Variants in EXOC4 observed in about 807,000 individuals in gnomAD.
EXOC4 encodes the protein SEC8-like 1.
In EXOC4, 71 loss-of-function variants were observed where a neutral mutation model predicts 107.2. The observed-to-expected ratio is 0.66, with a 90% confidence interval of 0.55 to 0.81. The LOEUF (loss-of-function observed/expected upper bound fraction) is 0.81. EXOC4 is among the 30% of genes least tolerant of loss of function. The pLI, the probability that EXOC4 is intolerant of heterozygous loss-of-function variation, is 0.00. For synonymous variants in EXOC4, 456 were observed against 441.2 expected (o/e 1.03, Z -0.42); for missense variants, 1,108 against 1,189.6 (o/e 0.93, Z 1.01).
chr7:133,634,849 G>A (rs746503133), intron 10 of EXOC4, among the ~76,000 whole-genome samples: 4 of 152,132 alleles, frequency 2.6e-5, no homozygotes, highest in Non-Finnish European at 5.9e-5. Flanking sequence ...TTAAAACAAA[G>A]GTTTCTAGCC....
intron 6 of EXOC4, among the ~76,000 whole-genome samples, chr7:133,372,068 T>G (rs1796388948): frequency 6.6e-6 from 1 of 152,230 alleles, no homozygotes; most frequent in African/African-American, 2.4e-5. Context: ...TTTGTCCATT[T>G]TTAAGTTCAG....
chr7:133,366,039 T>C (rs887031242), intron 6 of EXOC4, among the ~76,000 whole-genome samples: 12 of 152,158 alleles, frequency 7.9e-5, no homozygotes, highest in African/African-American at 2.9e-4. Context: ...TCTTCTATCT[T>C]GTGTGTGTCT....
At chr7:133,322,841 C>G (rs1321509179) in intron 5 of EXOC4, among the ~76,000 whole-genome samples, 1 of 152,180 alleles carries the variant, frequency 6.6e-6, no homozygotes, top group African/African-American at 2.4e-5. Context: ...TTGATTCTTC[C>G]TATCCATGAG....
chr7:133,944,239 T>C (rs528363099), intron 14 of EXOC4, among the ~76,000 whole-genome samples: 46 of 152,192 alleles, frequency 3.0e-4, no homozygotes, highest in Admixed American at 1.4e-3. Flanking sequence ...ATACCACAGT[T>C]TTCCCATATC....
At chr7:133,563,337 G>A (rs529161922) in intron 9 of EXOC4, among the ~76,000 whole-genome samples, 2 of 152,272 alleles carry the variant, frequency 1.3e-5, no homozygotes, top group African/African-American at 4.8e-5. Flanking sequence ...GGGCAAATGA[G>A]CTTCTGCTCA....
intron 10 of EXOC4, among the ~76,000 whole-genome samples, chr7:133,714,349 T>A (rs1794956995): frequency 6.6e-6 from 1 of 152,104 alleles, no homozygotes; most frequent in Non-Finnish European, 1.5e-5. Context: ...TAGTCTGTAT[T>A]GTATGTTCAG....
At chr7:133,734,138 A>G (rs1156422721) in intron 10 of EXOC4, among the ~76,000 whole-genome samples, 1 of 152,176 alleles carries the variant, frequency 6.6e-6, no homozygotes, top group Non-Finnish European at 1.5e-5. Flanking sequence ...GGCAGATCAA[A>G]TTTGTACAGG....
In EXOC4 at chr7:133,864,457, T is replaced by A. The variant is rs185104715; in HGVS notation, c.1735-31142T>A. Among the ~76,000 whole-genome samples the A allele has an allele frequency of 6.1e-3, 929 of 152,286 alleles. 3 individuals carry two copies. The highest frequency in any genetic ancestry group is 0.01 in the Middle Eastern group (3 of 294). On this transcript the variant is annotated intron_variant, in intron 11 of 17. Transcript: ENST00000253861. ...GAAGGCTTTCAGGGAGTCTCATTAA[T>A]TTACAAAAAGCTGGTAGAAATTATT...
At chr7:133,315,964 C>T (rs1057114975) in intron 4 of EXOC4, among the ~76,000 whole-genome samples, 1 of 152,110 alleles carries the variant, frequency 6.6e-6, no homozygotes, top group Non-Finnish European at 1.5e-5. Context: ...AAAAGGGAGA[C>T]GTTAATGACT....
chr7:133,804,911 C>T (rs1442623400), intron 10 of EXOC4, among the ~76,000 whole-genome samples: 1 of 152,104 alleles, frequency 6.6e-6, no homozygotes, highest in African/African-American at 2.4e-5. Context: ...TAAAACATAG[C>T]CTTAAAATAA....
chr7:133,333,972 A>G (rs938566353), intron 5 of EXOC4, among the ~76,000 whole-genome samples: 1 of 152,260 alleles, frequency 6.6e-6, no homozygotes, highest in Non-Finnish European at 1.5e-5. Context: ...TAGAAGGCTT[A>G]TAATATTTAG....
the EXOC4 span, among the ~76,000 whole-genome samples, chr7:134,099,679 C>T: frequency 5.1e-4 from 78 of 151,654 alleles, no homozygotes; most frequent in Middle Eastern, 3.4e-3. Flanking sequence ...TACAGGCACC[C>T]GCCACCTCGC....
chr7:133,997,429 G>A (rs1794419711), intron 14 of EXOC4, 63 bp from the exon 15 acceptor site: 8 of 1,587,584 alleles, frequency 5.0e-6, no homozygotes, highest in African/African-American at 2.7e-5. Context: ...AAAATAATAT[G>A]TCATTTCAGA....
At chr7:133,464,201 A>G (rs530437593) in intron 7 of EXOC4, among the ~76,000 whole-genome samples, 22 of 152,324 alleles carry the variant, frequency 1.4e-4, no homozygotes, top group Admixed American at 2.6e-4. Context: ...GTTCAAGGGT[A>G]CATTTGCAGG....
In EXOC4 at chr7:133,756,689, A is replaced by G. The variant is rs149874481; in HGVS notation, c.1515-60636A>G. Among the ~76,000 whole-genome samples the G allele has an allele frequency of 1.4e-3, 213 of 152,334 alleles. 1 individual carries two copies. Among genetic ancestry groups the G allele is most frequent in the Non-Finnish European group, 2.1e-3 (142 of 68,020 alleles). On this transcript the variant is annotated intron_variant, in intron 10 of 17. Transcript: ENST00000253861. ...GCACAGGAAAGAAAAATTTATGGAA[A>G]TGACATAGAATTCAGAAAGTATTCC... is the stretch of plus-strand genomic sequence containing the variant.
At chr7:133,816,946 C>G (rs910530193) in intron 10 of EXOC4, among the ~76,000 whole-genome samples, 1 of 152,104 alleles carries the variant, frequency 6.6e-6, no homozygotes, top group African/African-American at 2.4e-5. Context: ...TAGGGGGACC[C>G]CTGATGTAAA....
chr7:133,505,636 T>G (rs1237687170), intron 9 of EXOC4, among the ~76,000 whole-genome samples: 1 of 152,126 alleles, frequency 6.6e-6, no homozygotes, highest in East Asian at 1.9e-4. Flanking sequence ...AAGTTAGATA[T>G]CTCGTGCCCA....
chr7:133,802,772 G>A (rs971001133), intron 10 of EXOC4, among the ~76,000 whole-genome samples: 4 of 166 alleles, frequency 0.024, no homozygotes, highest in South Asian at 0.1. Context: ...GCTTGGACCC[G>A]GGAGGCGGAG....
intron 11 of EXOC4, among the ~76,000 whole-genome samples, chr7:133,858,701 G>A (rs1417640903): frequency 2.0e-5 from 3 of 152,232 alleles, no homozygotes; most frequent in South Asian, 2.1e-4. Flanking sequence ...ATGTTGATTC[G>A]GAAATGGGAT....
Sources: gnomAD v4.1 joint callset for allele counts (sites outside exome capture counted in the v4.1 genomes callset) on GRCh38, gnomAD v4.1.1 for gene constraint, MANE v1.5 for transcripts, NCBI Gene and HGNC (gene_info 2026-07-23, HGNC 2026-07-21) for gene names.